HERC3: variants seen among roughly 807,000 people sequenced by gnomAD.
HERC3 encodes the protein probable E3 ubiquitin-protein ligase HERC3.
A neutral mutation model predicts 129.9 loss-of-function variants in HERC3; 58 were observed. The observed-to-expected ratio is 0.45, with a 90% CI of 0.36 to 0.56. The LOEUF is 0.56. Among genes scored for constraint, HERC3 ranks in the 20% least tolerant of loss-of-function variants. The pLI, the probability that HERC3 is intolerant of heterozygous loss-of-function variation, is 0.00. For missense variants in HERC3, 835 were observed against 1,244.2 expected (o/e 0.67, Z 4.95); for synonymous variants, 430 against 451.0 (o/e 0.95, Z 0.59).
rs561100902 is a variant in HERC3, at chr4:88,697,607, GACCAGCCGCGCTGTCAGGGTC to G, written c.2658-6474_2658-6454del. 1.4e-3 allele frequency: 2,327 copies of G among 1,613,878 alleles called. 2 individuals carry two copies. Among genetic ancestry groups the G allele is most frequent in the Non-Finnish European group, 1.8e-3 (2,065 of 1,179,992 alleles). ...GGGGTCTGGGGCTCCTCAGCCATCT[GACCAGCCGCGCTGTCAGGGTC>G]ACCAGCCGCGCTGTCACAGTCTCCA... On this transcript the variant is annotated intron_variant, in intron 23 of 25. Transcript: ENST00000402738.
intron 25 of HERC3, among the ~76,000 whole-genome samples, 199 bp downstream of exon 25, chr4:88,704,809 G>T (rs960550912): frequency 1.3e-5 from 2 of 151,922 alleles, no homozygotes; most frequent in African/African-American, 4.8e-5. Context: ...TAACAAGAGG[G>T]GTTGCATGAA....
chr4:88,684,405 G>A (rs1733164248), intron 21 of HERC3, among the ~76,000 whole-genome samples: 1 of 152,190 alleles, frequency 6.6e-6, no homozygotes, highest in East Asian at 1.9e-4. Flanking sequence ...GGGAAAACTG[G>A]CTAGGCATAT....
intron 3 of HERC3, among the ~76,000 whole-genome samples, chr4:88,613,791 T>A (rs1488350149): frequency 6.6e-6 from 1 of 152,206 alleles, no homozygotes. Context: ...TGGCAGGTGG[T>A]TCAGGAGGCT....
At chr4:88,631,186 G>C (rs1302129518) in intron 3 of HERC3, among the ~76,000 whole-genome samples, 1 of 152,196 alleles carries the variant, frequency 6.6e-6, no homozygotes, top group Non-Finnish European at 1.5e-5. Flanking sequence ...GGCCAGGCAT[G>C]GTGGCTCACA....
chr4:88,568,157 C>G, the HERC3 span, among the ~76,000 whole-genome samples: 1 of 152,192 alleles, frequency 6.6e-6, no homozygotes, highest in Non-Finnish European at 1.5e-5. Context: ...CTCCATGCTG[C>G]GCAGGCTGAA....
At chr4:88,630,295 A>G (rs1284155296) in intron 3 of HERC3, among the ~76,000 whole-genome samples, 1 of 152,194 alleles carries the variant, frequency 6.6e-6, no homozygotes, top group Non-Finnish European at 1.5e-5. Context: ...GAAATGAAAC[A>G]GTTTATGTTT....
intron 3 of HERC3, among the ~76,000 whole-genome samples, chr4:88,629,003 T>G (rs933659459): frequency 5.9e-5 from 9 of 152,088 alleles, no homozygotes; most frequent in Admixed American, 5.9e-4. Context: ...GTGAAACCCG[T>G]CTTTACTAAA....
chr4:88,548,397 G>A, the HERC3 span, among the ~76,000 whole-genome samples: 52 of 152,260 alleles, frequency 3.4e-4, no homozygotes, highest in African/African-American at 1.1e-3. Context: ...CACTCAGTGT[G>A]TGTGATATGG....
chr4:88,681,530 AG>A lies in HERC3; in HGVS notation c.2507+209del, dbSNP rs370710023. Among the ~76,000 whole-genome samples the A allele has an allele frequency of 6.8e-3, 1,034 of 152,316 alleles. 9 individuals are homozygous for A. Among genetic ancestry groups the A allele is most frequent in the African/African-American group, 0.024 (994 of 41,560 alleles). On this transcript the variant is annotated intron_variant, in intron 21 of 25. Coordinates refer to ENST00000402738, the MANE Select transcript of HERC3 (RefSeq NM_014606.3). ...GTTATCGGTACAGTATCGGTATCCG[AG>A]GGGTATTAGTTCCAGGACAACCTGC...
the HERC3 span, among the ~76,000 whole-genome samples, chr4:88,568,630 G>C: frequency 2.0e-5 from 3 of 151,958 alleles, no homozygotes; most frequent in African/African-American, 7.3e-5. Flanking sequence ...ACTTGTGTGG[G>C]TACCACTGAT....
rs140871724 is a variant in HERC3 at position 88,635,007 on chromosome 4, G to C, written c.227-14833G>C. ...AAAAATCCTTATCCAAGGGTTAGCA[G>C]GCTCAAAGATCGAAACTAGACAAAC... is the stretch of plus-strand genomic sequence containing the variant. On this transcript the variant is annotated intron_variant, in intron 3 of 25. Transcript: ENST00000402738. Among the ~76,000 whole-genome samples the C allele has an allele frequency of 1.9e-3, 296 of 152,234 alleles. 3 individuals carry two copies. The highest frequency in any genetic ancestry group is 3.5e-3 in the South Asian group (17 of 4,816).
chr4:88,614,082 G>A (rs1270935088), intron 3 of HERC3, among the ~76,000 whole-genome samples: 1 of 152,124 alleles, frequency 6.6e-6, no homozygotes, highest in African/African-American at 2.4e-5. Flanking sequence ...AAAACCTGCA[G>A]TATTACTTTT....
intron 3 of HERC3, among the ~76,000 whole-genome samples, chr4:88,631,945 A>G (rs1453708530): frequency 6.6e-6 from 1 of 152,238 alleles, no homozygotes; most frequent in Non-Finnish European, 1.5e-5. Context: ...TGAAAAACAA[A>G]TAGTGGCAGG....
upstream of HERC3, among the ~76,000 whole-genome samples, chr4:88,591,343 C>T (rs1721693357): frequency 6.6e-6 from 1 of 152,172 alleles, no homozygotes; most frequent in South Asian, 2.1e-4. Flanking sequence ...GGGCTCAACA[C>T]TGTCAGTCAG....
At chr4:88,583,174 G>A in the HERC3 span, among the ~76,000 whole-genome samples, 34 of 152,150 alleles carry the variant, frequency 2.2e-4, no homozygotes, top group Admixed American at 1.5e-3. Context: ...ATGGTGGCTC[G>A]CACCTGTAAT....
intron 21 of HERC3, among the ~76,000 whole-genome samples, 191 bp downstream of exon 21, chr4:88,681,516 A>G (rs770065092): frequency 7.9e-5 from 12 of 152,192 alleles, no homozygotes; most frequent in Non-Finnish European, 1.5e-4. Context: ...TTATCGGTAC[A>G]GTATCGGTAT....
chr4:88,665,231 G>T (rs907126585), intron 12 of HERC3, among the ~76,000 whole-genome samples: 2 of 152,212 alleles, frequency 1.3e-5, no homozygotes, highest in Non-Finnish European at 2.9e-5. Flanking sequence ...TATGGAGGTT[G>T]AGAGATCCTG....
intron 23 of HERC3, among the ~76,000 whole-genome samples, chr4:88,689,580 A>T (rs1189857295): frequency 1.1e-4 from 15 of 140,518 alleles, no homozygotes; most frequent in African/African-American, 3.7e-4. Context: ...ATCCTTGACT[A>T]CTTTTTTTTT....
chr4:88,703,616 G>A (rs1484133402), intron 23 of HERC3, among the ~76,000 whole-genome samples: 2 of 152,112 alleles, frequency 1.3e-5, no homozygotes, highest in Non-Finnish European at 2.9e-5. Flanking sequence ...CAGAGGTAAA[G>A]GTTTTATAAA....
Sources: gnomAD v4.1 joint callset for allele counts (sites outside exome capture counted in the v4.1 genomes callset) on GRCh38, gnomAD v4.1.1 for gene constraint, MANE v1.5 for transcripts, NCBI Gene and HGNC (gene_info 2026-07-23, HGNC 2026-07-21) for gene names.